INTU: variants seen among roughly 807,000 people sequenced by gnomAD.
The protein encoded by INTU is inturned planar cell polarity protein.
Under a neutral mutation model 100.5 loss-of-function variants are expected in INTU, and 68 were observed. The ratio of observed to expected loss-of-function variants is 0.68; its 90% CI spans 0.56 to 0.83. The LOEUF (loss-of-function observed/expected upper bound fraction) is 0.83, where lower values mean the gene tolerates loss of function less well. Among genes scored for constraint, INTU ranks in the 40% least tolerant of loss-of-function variants. INTU has a pLI of 0.00. For synonymous variants in INTU, 357 were observed against 395.7 expected (o/e 0.90, Z 1.16); for missense variants, 1,071 against 1,114.7 (o/e 0.96, Z 0.56).
At chr4:127,668,769 G>A (rs1223016036) in intron 4 of INTU, among the ~76,000 whole-genome samples, 1 of 151,710 alleles carries the variant, frequency 6.6e-6, no homozygotes, top group Non-Finnish European at 1.5e-5. Context: ...GATTTGTAAT[G>A]TAAATTAATC....
rs2148742618 is a variant in INTU at position 127,717,956 on chromosome 4, T to C, written c.*1520T>C. The C allele has an allele frequency of 6.6e-6, 1 of 152,316 alleles. No individual in the cohort carries two copies. The highest frequency in any genetic ancestry group is 2.4e-5 in the African/African-American group (1 of 41,582). 9.4% of individuals were successfully genotyped at this position (152,316 alleles called of 1,614,324 possible). On this transcript the variant is annotated 3_prime_UTR_variant, in exon 16 of 16. Coordinates refer to ENST00000335251, the MANE Select transcript of INTU (RefSeq NM_015693.4). Reference sequence around the variant, plus strand: ...GTAGGTTGCCTGTTCACTCTGATGATAGTTTCTTTTGCTGTGCAGAAGGTC... The same window carrying C: ...GTAGGTTGCCTGTTCACTCTGATGACAGTTTCTTTTGCTGTGCAGAAGGTC...
chr4:127,657,508 G>A (rs1728289046), intron 3 of INTU, among the ~76,000 whole-genome samples: 1 of 151,954 alleles, frequency 6.6e-6, no homozygotes, highest in Non-Finnish European at 1.5e-5. Context: ...GTTAGGAACT[G>A]GACTCCACAG....
At chr4:127,698,040 A>C (rs935743306) in intron 8 of INTU, among the ~76,000 whole-genome samples, 1 of 152,226 alleles carries the variant, frequency 6.6e-6, no homozygotes, top group Admixed American at 6.5e-5. Context: ...GAATCACTTG[A>C]ACCTGGGAGG....
intron 1 of INTU, among the ~76,000 whole-genome samples, chr4:127,635,701 TA>T (rs2126169578): frequency 6.6e-6 from 1 of 152,324 alleles, no homozygotes; most frequent in South Asian, 2.1e-4. Flanking sequence ...AAACTGCACA[TA>T]TTTTTAATGT....
intron 8 of INTU, 106 bp from the exon 9 acceptor site, chr4:127,699,904 C>A: frequency 1.5e-6 from 1 of 663,794 alleles, no homozygotes; most frequent in Non-Finnish European, 2.5e-6. Flanking sequence ...GAGAAAGATA[C>A]TCAATTTTTC....
At chr4:127,704,528 C>T (rs1481804526) in intron 10 of INTU, among the ~76,000 whole-genome samples, 1 of 152,172 alleles carries the variant, frequency 6.6e-6, no homozygotes, top group East Asian at 1.9e-4. Flanking sequence ...TTCCCAAGCT[C>T]AAACAATCCT....
intron 8 of INTU, among the ~76,000 whole-genome samples, chr4:127,695,029 G>A (rs1455757098): frequency 1.3e-5 from 2 of 152,100 alleles, no homozygotes; most frequent in Non-Finnish European, 2.9e-5. Flanking sequence ...TACCTTGTTG[G>A]AATTTTGATT....
At position 127,711,101 on chromosome 4, in the gene INTU, A is replaced by T; in HGVS notation, c.2558A>T (p.Glu853Val). The change falls in exon 14 of 16, where the codon GAG (glutamate) becomes GTG (valine). Residue 853 changes from glutamate (E) to valine (V), a missense_variant and splice_region_variant. By Grantham distance (121) the Glu-to-Val change is moderately radical (BLOSUM62 -2). Coordinates refer to ENST00000335251, the MANE Select transcript of INTU (RefSeq NM_015693.4). Reference protein sequence around the residue: ...RAVFQQTLVEEKKKGLNSGDH... With the variant: ...RAVFQQTLVEVKKKGLNSGDH... ...GTTTTCCAACAGACATTGGTGGAAG[A>T]GGTAGGGCACTGCTATAAATACAGT... 1 of 1,579,656 alleles carries T rather than the reference A, an allele frequency of 6.3e-7. No individual in the cohort carries two copies. Among genetic ancestry groups the T allele is most frequent in the African/African-American group, 1.3e-5 (1 of 74,608 alleles).
intron 13 of INTU, among the ~76,000 whole-genome samples, chr4:127,710,658 G>A (rs1209926702): frequency 1.3e-5 from 2 of 152,158 alleles, no homozygotes; most frequent in Admixed American, 6.5e-5. Context: ...ACTTGCAAAT[G>A]AATTGAGGTT....
chr4:127,644,637 A>T (rs1727490469), intron 2 of INTU, among the ~76,000 whole-genome samples: 1 of 152,156 alleles, frequency 6.6e-6, no homozygotes, highest in Non-Finnish European at 1.5e-5. Flanking sequence ...AATTATTCTG[A>T]ATATATATTA....
Position 127,633,092 on chromosome 4 carries a change from C to A in INTU, c.58C>A (p.Pro20Thr). Residue 20 changes from proline to threonine, a missense_variant, in exon 1 of 16, where the codon CCC (proline) becomes ACC (threonine). Transcript: ENST00000335251. ...RPSSDELPGDPSSQEEDEDYD... is the reference protein window; with the variant it reads ...RPSSDELPGDTSSQEEDEDYD... ...GAGCTCAGACGAGCTCCCTGGAGAC[C>A]CCTCTTCACAAGAAGAAGATGAGGA... 6.2e-7 allele frequency: 1 copy of A among 1,613,914 alleles called. No homozygotes were observed. The highest frequency in any genetic ancestry group is 8.5e-7 in the Non-Finnish European group (1 of 1,179,832).
Position 127,725,522 on chromosome 4 carries a change from AG to A in INTU, c.*9087del. 6.6e-6 allele frequency: 1 copy of A among 152,222 alleles called. No individual in the cohort carries two copies. Among genetic ancestry groups the A allele is most frequent in the African/African-American group, 2.4e-5 (1 of 41,464 alleles). The allele number at this position is 152,222 out of a possible 1,614,324, so 9.4% of individuals were successfully genotyped here. On this transcript the variant is annotated 3_prime_UTR_variant, in exon 16 of 16. Coordinates refer to ENST00000335251, the MANE Select transcript of INTU (RefSeq NM_015693.4). ...AATACTGATAATTATGAATAAACGT[AG>A]CTGTTGATCACCTCAGGTTTTCATA...
Position 127,716,476 on chromosome 4 carries a change from T to C in INTU, c.*40T>C. 1 of 858,894 alleles carries C rather than the reference T, an allele frequency of 1.2e-6. No individual in the cohort carries two copies. The highest frequency in any genetic ancestry group is 1.8e-6 in the Non-Finnish European group (1 of 557,166). The allele number at this position is 858,894 out of a possible 1,614,324, so 53.2% of individuals were successfully genotyped here. On this transcript the variant is annotated 3_prime_UTR_variant, in exon 16 of 16. Transcript: ENST00000335251. ...TGCGTAGAAACACGTGCATGGAGGATCAAACACTGTCAGAATTGCTGAAAT... is the reference window on the plus strand; with the variant it reads ...TGCGTAGAAACACGTGCATGGAGGACCAAACACTGTCAGAATTGCTGAAAT...
At position 127,657,585 on chromosome 4, in the gene INTU, C is replaced by T. The variant is rs60087626; in HGVS notation, c.768+864C>T. Among the ~76,000 whole-genome samples the T allele has an allele frequency of 5.2e-3, 792 of 152,196 alleles. 11 individuals carry two copies. The highest frequency in any genetic ancestry group is 0.018 in the African/African-American group (765 of 41,502). On this transcript the variant is annotated intron_variant, in intron 3 of 15. Coordinates refer to ENST00000335251, the MANE Select transcript of INTU (RefSeq NM_015693.4). ...ATTTACAGCTGCTCCCCATCGCTCA[C>T]ATTAGTGTCTGAGCTCCACCTCCTG...
intron 6 of INTU, among the ~76,000 whole-genome samples, chr4:127,678,508 A>T (rs1436272661): frequency 1.3e-5 from 2 of 152,224 alleles, no homozygotes; most frequent in Non-Finnish European, 2.9e-5. Context: ...ACTAAGCTTC[A>T]TAAGTGAAGG....
intron 2 of INTU, among the ~76,000 whole-genome samples, chr4:127,645,363 A>G (rs1727529228): frequency 6.6e-6 from 1 of 152,094 alleles, no homozygotes; most frequent in Non-Finnish European, 1.5e-5. Context: ...CCAGTGATCC[A>G]GCTGATAGCC....
At chr4:127,711,633 A>G (rs1030559535) in intron 14 of INTU, among the ~76,000 whole-genome samples, 1 of 152,134 alleles carries the variant, frequency 6.6e-6, no homozygotes, top group Non-Finnish European at 1.5e-5. Flanking sequence ...TCTGCTTCCT[A>G]TCAAATCAGC....
intron 2 of INTU, among the ~76,000 whole-genome samples, chr4:127,651,770 C>T (rs1727893225): frequency 6.6e-6 from 1 of 150,842 alleles, no homozygotes; most frequent in Admixed American, 6.6e-5. Context: ...TCATTGGTAG[C>T]TTTATGGGGA....
Position 127,711,064 on chromosome 4 carries a change from T to C in INTU, c.2521T>C (p.Ser841Pro), listed in dbSNP as rs753828614. The stretch of plus-strand genomic sequence containing the variant: ...AAAGAATTTCCATCAGTGTTGTCTT[T>C]CCATTCGTGCAGTTTTCCAACAGAC... ...LIKNFHQCCL[S>P]IRAVFQQTLV... Residue 841 changes from serine to proline, a missense_variant, in exon 14 of 16, where the codon TCC (serine) becomes CCC (proline). Coordinates refer to ENST00000335251, the MANE Select transcript of INTU (RefSeq NM_015693.4). The C allele has an allele frequency of 2.8e-5, 45 of 1,604,008 alleles. No individual in the cohort carries two copies. The highest frequency in any genetic ancestry group is 3.8e-5 in the Non-Finnish European group (44 of 1,172,906).
Sources: gnomAD v4.1 joint callset for allele counts (sites outside exome capture counted in the v4.1 genomes callset) on GRCh38, gnomAD v4.1.1 for gene constraint, MANE v1.5 for transcripts, NCBI Gene and HGNC (gene_info 2026-07-23, HGNC 2026-07-21) for gene names.